Variants in MCF2L2 observed in about 807,000 individuals in gnomAD.
MCF2L2 encodes probable guanine nucleotide exchange factor MCF2L2.
MCF2L2 carries 102 observed loss-of-function variants against 150.2 expected under a neutral mutation model. That is an observed-to-expected ratio of 0.68 (90% CI 0.58 to 0.80). MCF2L2 has a LOEUF of 0.80. MCF2L2 is among the 30% of genes least tolerant of loss of function. The pLI, the probability that MCF2L2 is intolerant of heterozygous loss-of-function variation, is 0.00. For synonymous variants in MCF2L2, 465 were observed against 491.3 expected, an observed-to-expected ratio of 0.95 and a Z score of 0.71; for missense variants, 1,256 against 1,372.8, an observed-to-expected ratio of 0.91 and a Z score of 1.34.
intron 27 of MCF2L2, among the ~76,000 whole-genome samples, chr3:183,184,765 G>C (rs1721637221): frequency 6.6e-6 from 1 of 152,166 alleles, no homozygotes; most frequent in Non-Finnish European, 1.5e-5. Flanking sequence ...CAAAATCATG[G>C]TGTTTCCCTT....
At chr3:183,328,366 T>C (rs1253719755) in intron 5 of MCF2L2, among the ~76,000 whole-genome samples, 1 of 152,098 alleles carries the variant, frequency 6.6e-6, no homozygotes, top group Non-Finnish European at 1.5e-5. Context: ...AGGTCAGAAG[T>C]ACAGGATGCC....
At chr3:183,340,172 C>T (rs1474112730) in intron 4 of MCF2L2, among the ~76,000 whole-genome samples, 1 of 152,186 alleles carries the variant, frequency 6.6e-6, no homozygotes, top group African/African-American at 2.4e-5. Flanking sequence ...AAGAACCTTG[C>T]GCTTTGTTGT....
chr3:183,388,259 T>G (rs1309109517), intron 2 of MCF2L2, among the ~76,000 whole-genome samples: 1 of 152,212 alleles, frequency 6.6e-6, no homozygotes, highest in East Asian at 1.9e-4. Context: ...AGAGCTTTAG[T>G]CTAAGGCTCT....
At chr3:183,248,534 A>C (rs986568444) in intron 15 of MCF2L2, among the ~76,000 whole-genome samples, 64 of 152,162 alleles carry the variant, frequency 4.2e-4, no homozygotes, top group African/African-American at 1.5e-3. Context: ...AAAAATGGGA[A>C]ATAGAAAATT....
intron 3 of MCF2L2, among the ~76,000 whole-genome samples, chr3:183,345,148 A>C (rs1371977063): frequency 6.6e-6 from 1 of 152,228 alleles, no homozygotes; most frequent in Non-Finnish European, 1.5e-5. Flanking sequence ...ACTTATTCTA[A>C]AACTGACCAC....
At position 183,223,358 on chromosome 3, in the gene MCF2L2, C is replaced by A; in HGVS notation, c.2289G>T (p.Gln763His). The change falls in exon 20 of 30, where the codon CAG becomes CAT. Residue 763 changes from glutamine (Q) to histidine (H), a missense_variant. Gln to His is a conservative substitution (Grantham distance 24). Transcript: ENST00000328913. ...KGPSQRLIKYQMLLKGLLDFE... is the reference protein window; with the variant it reads ...KGPSQRLIKYHMLLKGLLDFE... ...TCATTGATTTTACCTTCAACAGCAT[C>A]TGGTATTTTATAAGTCTCTGGCTTG... is the stretch of plus-strand genomic sequence containing the variant. 3 of 1,613,590 alleles carry A rather than the reference C, an allele frequency of 1.9e-6. No individual in the cohort carries two copies. The highest frequency in any genetic ancestry group is 1.7e-6 in the Non-Finnish European group (2 of 1,179,448).
rs927459964 is a variant in MCF2L2 at position 183,354,792 on chromosome 3, C to T, written c.276-13162G>A. On this transcript the variant is annotated intron_variant, in intron 3 of 29. Transcript: ENST00000328913. ...AGGACCTCCTGAGGCTGTGTCATGG[C>T]GTCGTGGTCCTTACATTTGGCTCAG... is the stretch of plus-strand genomic sequence containing the variant. 2.6e-5 allele frequency among the ~76,000 whole-genome samples: 4 copies of T among 152,146 alleles called. No homozygotes were observed. The South Asian group carries it at 6.2e-4, about 24-fold the overall frequency.
chr3:183,321,163 T>G (rs1729794279), intron 6 of MCF2L2, among the ~76,000 whole-genome samples: 1 of 151,900 alleles, frequency 6.6e-6, no homozygotes, highest in South Asian at 2.1e-4. Context: ...GTTGGCCGGG[T>G]GCAGTGGCTC....
rs79069777 is a variant in MCF2L2 at position 183,399,886 on chromosome 3, C to T, written c.77-10107G>A. Among the ~76,000 whole-genome samples the T allele has an allele frequency of 2.1e-3, 315 of 152,232 alleles. 4 individuals are homozygous for T. In the East Asian group the frequency reaches 0.058, roughly 28 times the overall value. ...TGCCTGCCATGAAGTGACCAAGATC[C>T]TACTTACTACCACTTGGACAAAAGC... On this transcript the variant is annotated intron_variant, in intron 1 of 29. Coordinates refer to ENST00000328913, the MANE Select transcript of MCF2L2 (RefSeq NM_015078.4).
intron 15 of MCF2L2, among the ~76,000 whole-genome samples, chr3:183,238,995 CAAAAAA>C (rs60736939): frequency 3.4e-5 from 3 of 88,866 alleles, no homozygotes; most frequent in Non-Finnish European, 5.0e-5. Context: ...ATATCCGTCT[CAAAAAA>C]AAAAAAAAAA....
intron 18 of MCF2L2, chr3:183,224,537 T>C (rs1723274450): frequency 5.5e-6 from 1 of 183,466 alleles, no homozygotes; most frequent in Admixed American, 5.6e-5. Flanking sequence ...CCACAACAGG[T>C]CTGCAATGAG....
chr3:183,258,982 A>AAC (rs1560376547), intron 15 of MCF2L2, among the ~76,000 whole-genome samples: 1 of 152,244 alleles, frequency 6.6e-6, no homozygotes, highest in Non-Finnish European at 1.5e-5. Context: ...TTTAGTGCAT[A>AAC]ATGACAAGAA....
At chr3:183,379,209 G>T in intron 3 of MCF2L2, 88 bp downstream of exon 3, 1 of 894,066 alleles carries the variant, frequency 1.1e-6, no homozygotes, top group Non-Finnish European at 1.7e-6. Context: ...CATGCTCATG[G>T]AAGTATATGT....
intron 10 of MCF2L2, among the ~76,000 whole-genome samples, chr3:183,303,182 A>T (rs950108598): frequency 5.3e-5 from 8 of 150,148 alleles, no homozygotes; most frequent in Admixed American, 4.6e-4. Context: ...CAACAGAATG[A>T]GACTCTGTCT....
intron 5 of MCF2L2, among the ~76,000 whole-genome samples, chr3:183,337,400 T>C (rs764245757): frequency 2.0e-5 from 3 of 151,442 alleles, no homozygotes; most frequent in Admixed American, 6.6e-5. Flanking sequence ...CTACTGAAAA[T>C]ACAAAAATTA....
chr3:183,425,764 C>A (rs775873967), intron 1 of MCF2L2, among the ~76,000 whole-genome samples: 1 of 152,124 alleles, frequency 6.6e-6, no homozygotes, highest in Admixed American at 6.5e-5. Context: ...ACCAATCTGA[C>A]CAACATGGAG....
intron 22 of MCF2L2, 84 bp from the exon 23 acceptor site, chr3:183,207,907 A>G (rs1007620922): frequency 3.0e-6 from 3 of 1,001,490 alleles, no homozygotes; most frequent in Non-Finnish European, 4.5e-6. Flanking sequence ...TTCAAATTTT[A>G]TAAAGCATGC....
chr3:183,389,830 G>A lies in MCF2L2; in HGVS notation c.77-51C>T. ...TTAGTTAAACATGTGCAAATTACAA[G>A]AAGAAATTAAAAAGAAACAAAGGCA... On this transcript the variant is annotated intron_variant, in intron 1 of 29. Transcript: ENST00000328913. 2.8e-6 allele frequency: 4 copies of A among 1,437,746 alleles called. No individual in the cohort carries two copies. In the East Asian group the frequency reaches 6.8e-5, roughly 25 times the overall value. 89.1% of individuals were successfully genotyped at this position (1,437,746 alleles called of 1,614,324 possible).
intron 1 of MCF2L2, among the ~76,000 whole-genome samples, chr3:183,405,783 T>C (rs764446526): frequency 3.3e-5 from 5 of 152,220 alleles, no homozygotes; most frequent in African/African-American, 1.2e-4. Flanking sequence ...TGGCGTGATC[T>C]TGGCTCACTG....
Sources: allele counts gnomAD v4.1 joint callset (sites outside exome capture counted in the v4.1 genomes callset), GRCh38; gene constraint gnomAD v4.1.1; transcripts MANE v1.5; gene names NCBI Gene and HGNC (gene_info 2026-07-23, HGNC 2026-07-21).